Variants in BBS9 observed in about 807,000 individuals in gnomAD.
BBS9 encodes protein PTHB1.
Under a neutral mutation model 117.7 loss-of-function variants are expected in BBS9, and 89 were observed. The ratio of observed to expected loss-of-function variants is 0.76; its 90% CI spans 0.64 to 0.90. The LOEUF (loss-of-function observed/expected upper bound fraction) is 0.90. Among genes scored for constraint, BBS9 ranks in the 40% least tolerant of loss-of-function variants. The pLI is 0.00. For synonymous variants in BBS9, 379 were observed against 370.9 expected (o/e 1.02, Z -0.25); for missense variants, 982 against 1,042.2 (o/e 0.94, Z 0.80).
intron 19 of BBS9, among the ~76,000 whole-genome samples, chr7:33,466,081 C>T (rs1004524647): frequency 6.6e-6 from 1 of 151,308 alleles, no homozygotes; most frequent in African/African-American, 2.4e-5. Context: ...TATATATATA[C>T]ACACATTGTG....
At chr7:33,634,341 C>T (rs981799710) in intron 21 of BBS9, among the ~76,000 whole-genome samples, 2 of 152,214 alleles carry the variant, frequency 1.3e-5, no homozygotes, top group Non-Finnish European at 2.9e-5. Flanking sequence ...TTGGACTCTG[C>T]AGTGGGCAGC....
intron 1 of BBS9, among the ~76,000 whole-genome samples, chr7:33,142,167 C>T (rs1032870621): frequency 2.9e-4 from 44 of 152,226 alleles, no homozygotes; most frequent in Admixed American, 1.7e-3. Context: ...GTGATCCGCC[C>T]GCCTCGGCCT....
rs1262718021 is a variant in BBS9, at chr7:33,225,759, T to C, written c.443-31477T>C. On this transcript the variant is annotated intron_variant, in intron 5 of 22. Coordinates refer to ENST00000242067, the MANE Select transcript of BBS9 (RefSeq NM_198428.3). ...AAGATCACAGTGTGGGTGCTGGTGG[T>C]GTTCAGTACTCCTGCTGGTTATTGC... 2.7e-5 allele frequency among the ~76,000 whole-genome samples: 4 copies of C among 148,936 alleles called. No homozygotes were observed. The East Asian group carries it at 7.9e-4, about 30-fold the overall frequency.
At chr7:33,537,040 CT>C (rs1265289117) in intron 21 of BBS9, among the ~76,000 whole-genome samples, 1 of 151,924 alleles carries the variant, frequency 6.6e-6, no homozygotes, top group East Asian at 1.9e-4. Context: ...CAGAGATGAT[CT>C]TTTTTTAAGA....
chr7:33,327,454 C>T (rs1484925892), intron 9 of BBS9, among the ~76,000 whole-genome samples: 1 of 152,124 alleles, frequency 6.6e-6, no homozygotes, highest in East Asian at 1.9e-4. Flanking sequence ...ATTCCCAGTG[C>T]TTTGGGAGGT....
chr7:33,416,183 T>C lies in BBS9; in HGVS notation c.2115+28039T>C, dbSNP rs111574963. Among the ~76,000 whole-genome samples the C allele has an allele frequency of 3.9e-4, 59 of 152,062 alleles. 1 individual carries two copies. The highest frequency in any genetic ancestry group is 1.4e-3 in the African/African-American group (56 of 41,464). ...TTTATTATTTGCCAAAATTAAAATC[T>C]AGAAGACTTTTAAAAATTTCTCTTG... On this transcript the variant is annotated intron_variant, in intron 19 of 22. Coordinates refer to ENST00000242067, the MANE Select transcript of BBS9 (RefSeq NM_198428.3).
intron 5 of BBS9, among the ~76,000 whole-genome samples, chr7:33,218,946 G>A (rs1328626706): frequency 1.3e-5 from 2 of 152,258 alleles, no homozygotes; most frequent in Admixed American, 1.3e-4. Context: ...GCCAGAGCTG[G>A]CTCCCTCAGC....
At chr7:33,462,623 A>T (rs1172815719) in intron 19 of BBS9, among the ~76,000 whole-genome samples, 1 of 152,126 alleles carries the variant, frequency 6.6e-6, no homozygotes, top group African/African-American at 2.4e-5. Flanking sequence ...TGACAGAAAA[A>T]GTGGTGGTAA....
At chr7:33,159,583 C>A (rs1422932936) in intron 4 of BBS9, among the ~76,000 whole-genome samples, 1 of 152,188 alleles carries the variant, frequency 6.6e-6, no homozygotes, top group East Asian at 1.9e-4. Context: ...AAAACTTCCC[C>A]CTTTTAGTCA....
chr7:33,568,247 C>T (rs959995848), intron 21 of BBS9, among the ~76,000 whole-genome samples: 2 of 152,116 alleles, frequency 1.3e-5, no homozygotes, highest in Non-Finnish European at 2.9e-5. Flanking sequence ...GGCTTCCTCT[C>T]TGGAGCTCCT....
chr7:33,502,793 C>T (rs1845631199), intron 19 of BBS9, among the ~76,000 whole-genome samples: 2 of 152,164 alleles, frequency 1.3e-5, no homozygotes, highest in South Asian at 4.1e-4. Context: ...GAGACACACT[C>T]CAGAGTTTGA....
intron 20 of BBS9, among the ~76,000 whole-genome samples, chr7:33,528,846 C>G (rs959618938): frequency 6.6e-6 from 1 of 152,202 alleles, no homozygotes. Flanking sequence ...CATGGGAATA[C>G]TTTCTTAGTT....
At chr7:33,568,107 A>G (rs901427044) in intron 21 of BBS9, among the ~76,000 whole-genome samples, 5 of 152,106 alleles carry the variant, frequency 3.3e-5, no homozygotes, top group Non-Finnish European at 7.4e-5. Flanking sequence ...TTAAGTACCA[A>G]TTCCTTAATA....
Position 33,173,160 on chromosome 7 carries a change from C to A in BBS9, c.329-4318C>A, listed in dbSNP as rs375336322. On this transcript the variant is annotated intron_variant, in intron 4 of 22. Coordinates refer to ENST00000242067, the MANE Select transcript of BBS9 (RefSeq NM_198428.3). ...GAAGAAAGCATCCTCTATGCCTGGA[C>A]TCAGCATGGTTGCATCTGAAAAAGA... Among the ~76,000 whole-genome samples, 30 of 152,194 alleles carry A rather than the reference C, an allele frequency of 2.0e-4. 2 individuals are homozygous for A. Among genetic ancestry groups the A allele is most frequent in the East Asian group, 1.2e-3 (6 of 5,200 alleles).
intron 20 of BBS9, among the ~76,000 whole-genome samples, chr7:33,530,424 A>C (rs1379790077): frequency 2.6e-5 from 4 of 152,244 alleles, no homozygotes; most frequent in African/African-American, 9.6e-5. Flanking sequence ...TTTATGATAC[A>C]GTAGTTTGCT....
intron 21 of BBS9, 58 bp downstream of exon 21, chr7:33,534,234 T>C: frequency 1.3e-6 from 2 of 1,538,648 alleles, no homozygotes; most frequent in Non-Finnish European, 1.8e-6. Context: ...ATTAGAGGAA[T>C]GTGCCTGTGG....
intron 21 of BBS9, among the ~76,000 whole-genome samples, chr7:33,564,701 G>A (rs373642650): frequency 6.6e-6 from 1 of 152,196 alleles, no homozygotes; most frequent in Non-Finnish European, 1.5e-5. Context: ...TTCTGGAAAA[G>A]AGGTGAAAAT....
chr7:33,522,658 G>A (rs1282701986), intron 20 of BBS9, among the ~76,000 whole-genome samples: 1 of 150,920 alleles, frequency 6.6e-6, no homozygotes, highest in African/African-American at 2.4e-5. Context: ...CCCTTTGTCA[G>A]ATGAGTAGCT....
chr7:33,357,679 T>C (rs1449669214), intron 15 of BBS9, 176 bp from the exon 16 acceptor site: 3 of 725,896 alleles, frequency 4.1e-6, no homozygotes, highest in Non-Finnish European at 7.3e-6. Context: ...CTTTTGAAAA[T>C]AGTAATGAAA....
Sources: allele counts gnomAD v4.1 joint callset (sites outside exome capture counted in the v4.1 genomes callset), GRCh38; gene constraint gnomAD v4.1.1; transcripts MANE v1.5; gene names NCBI Gene and HGNC (gene_info 2026-07-23, HGNC 2026-07-21).